SLC38A6: variants seen among roughly 807,000 people sequenced by gnomAD.
SLC38A6 encodes the protein solute carrier family 38 member 6, also known as N system amino acid transporter NAT-1.
A neutral mutation model predicts 65.0 loss-of-function variants in SLC38A6; 73 were observed. The observed-to-expected ratio is 1.12, with a 90% CI of 0.93 to 1.37. The LOEUF (loss-of-function observed/expected upper bound fraction) is 1.37, where lower values mean the gene tolerates loss of function less well. Among genes scored for constraint, SLC38A6 ranks in the 40% most tolerant of loss-of-function variants. The probability of loss-of-function intolerance (pLI) is 0.00; values close to 1 mark genes in which losing one functional copy is unlikely to be tolerated. For synonymous variants in SLC38A6, 183 were observed against 178.8 expected (o/e 1.02, Z -0.19); for missense variants, 561 against 531.1 (o/e 1.06, Z -0.55).
At chr14:61,046,383 A>T (rs2042150161) in intron 12 of SLC38A6, among the ~76,000 whole-genome samples, 5 of 152,220 alleles carry the variant, frequency 3.3e-5, no homozygotes, top group Admixed American at 3.3e-4. Flanking sequence ...CTTCTTATGA[A>T]AATTTTCTTA....
At chr14:61,026,709 A>T (rs1307037519) in intron 5 of SLC38A6, among the ~76,000 whole-genome samples, 1 of 151,864 alleles carries the variant, frequency 6.6e-6, no homozygotes, top group African/African-American at 2.4e-5. Flanking sequence ...ACTAGTTAAT[A>T]GAACGAGTTT....
At chr14:61,008,593 A>G (rs544821586) in intron 3 of SLC38A6, among the ~76,000 whole-genome samples, 1 of 152,310 alleles carries the variant, frequency 6.6e-6, no homozygotes, top group East Asian at 1.9e-4. Context: ...TTATACAAAT[A>G]GTAGCATCAC....
intron 3 of SLC38A6, among the ~76,000 whole-genome samples, chr14:61,007,135 G>A (rs564746048): frequency 1.3e-5 from 2 of 152,124 alleles, no homozygotes; most frequent in Non-Finnish European, 2.9e-5. Flanking sequence ...AGAACACATG[G>A]ACGCAGGAAG....
intron 8 of SLC38A6, among the ~76,000 whole-genome samples, chr14:61,042,499 A>T (rs1403994629): frequency 6.6e-6 from 1 of 152,160 alleles, no homozygotes. Context: ...AAAACATGAA[A>T]CATTTTCATT....
intron 16 of SLC38A6, among the ~76,000 whole-genome samples, chr14:61,082,455 T>C (rs1050347690): frequency 1.3e-5 from 2 of 152,210 alleles, no homozygotes; most frequent in African/African-American, 2.4e-5. Flanking sequence ...CTCCTTTTCA[T>C]TGGCCACCTC....
At chr14:61,012,948 T>C (rs1031376393) in intron 3 of SLC38A6, among the ~76,000 whole-genome samples, 14 of 152,304 alleles carry the variant, frequency 9.2e-5, no homozygotes, top group Admixed American at 5.2e-4. Flanking sequence ...TTGTTAACTT[T>C]CTGTCTCGTG....
chr14:61,040,811 G>T (rs1315132192), intron 8 of SLC38A6, among the ~76,000 whole-genome samples: 2 of 152,148 alleles, frequency 1.3e-5, no homozygotes, highest in Non-Finnish European at 2.9e-5. Context: ...ATGGTTTTTA[G>T]TCAGAAGCTT....
At chr14:61,002,988 A>T (rs1181196712) in intron 3 of SLC38A6, among the ~76,000 whole-genome samples, 1 of 152,104 alleles carries the variant, frequency 6.6e-6, no homozygotes, top group Non-Finnish European at 1.5e-5. Context: ...ATCTCTCAAA[A>T]CATCTTTCAT....
chr14:61,040,198 A>T (rs569306282), intron 8 of SLC38A6, among the ~76,000 whole-genome samples: 10 of 151,630 alleles, frequency 6.6e-5, no homozygotes, highest in Non-Finnish European at 1.3e-4. Context: ...ACAGAATCTC[A>T]CTCTCTCCAG....
intron 12 of SLC38A6, chr14:61,048,271 G>A: frequency 2.6e-6 from 1 of 386,660 alleles, no homozygotes; most frequent in East Asian, 7.4e-5. Context: ...GCCCAGAGAG[G>A]TGAAGTGACC....
intron 3 of SLC38A6, among the ~76,000 whole-genome samples, chr14:61,009,008 T>G (rs934141915): frequency 6.6e-6 from 1 of 152,186 alleles, no homozygotes; most frequent in Non-Finnish European, 1.5e-5. Flanking sequence ...TAGACAACCA[T>G]GAAATGTGCT....
chr14:61,019,366 T>C (rs1024860902), intron 4 of SLC38A6, among the ~76,000 whole-genome samples, 175 bp from the exon 5 acceptor site: 3 of 152,222 alleles, frequency 2.0e-5, no homozygotes, highest in African/African-American at 7.2e-5. Flanking sequence ...GAAATACTTT[T>C]TAATGTGATG....
rs200634402 is a variant in SLC38A6 at position 61,050,563 on chromosome 14, A to T, written c.977A>T (p.Asp326Val). ...LKGYSKYLSH[D>V]VVVMTVKLCI... is the part of the protein sequence containing the mutation. Reference sequence around the variant, plus strand: ...GGTTATAGTAAATACTTATCACATGATGTTGTTGTCATGACTGTGAAGTTA... The same window carrying T: ...GGTTATAGTAAATACTTATCACATGTTGTTGTTGTCATGACTGTGAAGTTA... Residue 326 changes from aspartate (D) to valine (V), a missense_variant, in exon 13 of 16, where the codon GAT becomes GTT. Coordinates refer to ENST00000267488, the MANE Select transcript of SLC38A6 (RefSeq NM_153811.3). 6.9e-6 allele frequency: 11 copies of T among 1,593,454 alleles called. No individual in the cohort carries two copies. The highest frequency in any genetic ancestry group is 1.3e-5 in the African/African-American group (1 of 74,574).
chr14:61,000,170 T>G (rs1221189815), intron 3 of SLC38A6, among the ~76,000 whole-genome samples: 1 of 152,214 alleles, frequency 6.6e-6, no homozygotes, highest in Non-Finnish European at 1.5e-5. Context: ...ATTCAAACCA[T>G]TAACCAATGT....
At chr14:61,003,402 G>A (rs570751589) in intron 3 of SLC38A6, among the ~76,000 whole-genome samples, 2 of 152,052 alleles carry the variant, frequency 1.3e-5, no homozygotes, top group South Asian at 2.1e-4. Context: ...TCATTGTTGA[G>A]CATTTAGGTT....
intron 6 of SLC38A6, among the ~76,000 whole-genome samples, chr14:61,036,469 C>T (rs1470292540): frequency 6.6e-6 from 1 of 151,850 alleles, no homozygotes; most frequent in African/African-American, 2.4e-5. Context: ...GGAGGGGGAG[C>T]ATTAGGACAA....
chr14:60,990,903 C>T (rs1392494985), intron 3 of SLC38A6, among the ~76,000 whole-genome samples: 1 of 152,054 alleles, frequency 6.6e-6, no homozygotes, highest in Non-Finnish European at 1.5e-5. Flanking sequence ...AGGCTGTTTT[C>T]CAACACCAGC....
In SLC38A6 at chr14:61,018,591, C is replaced by T. The variant is rs145515031; in HGVS notation, c.364-950C>T. ...AGACAGCTAGTCAGCTCCAGGCATACGTTGGGGTTCCGATCCATTAAGACT... is the reference window on the plus strand; with the variant it reads ...AGACAGCTAGTCAGCTCCAGGCATATGTTGGGGTTCCGATCCATTAAGACT... On this transcript the variant is annotated intron_variant, in intron 4 of 15. Coordinates refer to ENST00000267488, the MANE Select transcript of SLC38A6 (RefSeq NM_153811.3). Among the ~76,000 whole-genome samples the T allele has an allele frequency of 2.4e-3, 358 of 152,200 alleles. 1 individual carries two copies. The highest frequency in any genetic ancestry group is 0.015 in the Admixed American group (230 of 15,282).
chr14:61,067,240 G>C (rs1188113557), intron 15 of SLC38A6, among the ~76,000 whole-genome samples: 1 of 152,072 alleles, frequency 6.6e-6, no homozygotes, highest in Non-Finnish European at 1.5e-5. Context: ...ATTTGACTGG[G>C]TTTTCTCTCA....
Sources: gnomAD v4.1 joint callset for allele counts (sites outside exome capture counted in the v4.1 genomes callset) on GRCh38, gnomAD v4.1.1 for gene constraint, MANE v1.5 for transcripts, NCBI Gene and HGNC (gene_info 2026-07-23, HGNC 2026-07-21) for gene names.